The following LRP1B variants were observed in gnomAD, a reference collection of about 807,000 sequenced individuals.
LRP1B encodes the protein LDL receptor related protein 1B, also known as low-density lipoprotein receptor-related protein 1B.
A neutral mutation model predicts 556.6 loss-of-function variants in LRP1B; 217 were observed. That is an observed-to-expected ratio of 0.39 (90% CI 0.35 to 0.44). The LOEUF (loss-of-function observed/expected upper bound fraction) is 0.44, where lower values mean the gene tolerates loss of function less well. Ranked by LOEUF, LRP1B falls within the 20% of genes least tolerant of loss-of-function variation. The pLI, the probability that LRP1B is intolerant of heterozygous loss-of-function variation, is 1.00. For synonymous variants in LRP1B, 2,047 were observed against 1,865.8 expected, an observed-to-expected ratio of 1.10 and a Z score of -2.50; for missense variants, 5,053 against 5,620.8, an observed-to-expected ratio of 0.90 and a Z score of 3.23.
At chr2:141,782,346 C>A (rs1003179255) in intron 2 of LRP1B, among the ~76,000 whole-genome samples, 1 of 151,930 alleles carries the variant, frequency 6.6e-6, no homozygotes, top group Non-Finnish European at 1.5e-5. Flanking sequence ...GATTCATTCC[C>A]AATTAATAAA....
chr2:140,818,936 C>CAAAA (rs543167243), intron 31 of LRP1B, among the ~76,000 whole-genome samples: 15 of 102,906 alleles, frequency 1.5e-4, no homozygotes, highest in African/African-American at 5.1e-4. Context: ...GACTCTGTCT[C>CAAAA]AAAAAAAAAA....
chr2:140,768,758 G>A (rs1400796671), intron 35 of LRP1B, among the ~76,000 whole-genome samples: 2 of 151,846 alleles, frequency 1.3e-5, no homozygotes, highest in African/African-American at 4.8e-5. Flanking sequence ...AATTTTCAGT[G>A]GTGTAGCATG....
chr2:141,614,210 A>G (rs1157944566), intron 2 of LRP1B, among the ~76,000 whole-genome samples: 3 of 152,010 alleles, frequency 2.0e-5, no homozygotes, highest in Non-Finnish European at 4.4e-5. Context: ...TCTACTGATT[A>G]TGGAATCTTT....
At chr2:140,415,973 C>T (rs1685180996) in intron 66 of LRP1B, among the ~76,000 whole-genome samples, 1 of 152,186 alleles carries the variant, frequency 6.6e-6, no homozygotes, top group African/African-American at 2.4e-5. Flanking sequence ...ACATTTGCAT[C>T]AAGGCTGAAT....
At chr2:140,873,102 G>A (rs1693191272) in intron 25 of LRP1B, among the ~76,000 whole-genome samples, 1 of 151,916 alleles carries the variant, frequency 6.6e-6, no homozygotes, top group Non-Finnish European at 1.5e-5. Flanking sequence ...AAAATTTTTG[G>A]TAAAGTAGTT....
chr2:141,310,261 A>G (rs1265833344), intron 3 of LRP1B, among the ~76,000 whole-genome samples: 1 of 152,196 alleles, frequency 6.6e-6, no homozygotes, highest in Non-Finnish European at 1.5e-5. Flanking sequence ...ATTAAGTTCT[A>G]TTATAAACTC....
intron 41 of LRP1B, among the ~76,000 whole-genome samples, chr2:140,603,235 A>G (rs541308748): frequency 1.8e-4 from 28 of 152,212 alleles, no homozygotes; most frequent in African/African-American, 4.3e-4. Context: ...CCTAGAGATG[A>G]CGGAAGAAAA....
At chr2:142,032,148 A>G (rs1049907022) in intron 1 of LRP1B, among the ~76,000 whole-genome samples, 1 of 151,896 alleles carries the variant, frequency 6.6e-6, no homozygotes, top group Non-Finnish European at 1.5e-5. Flanking sequence ...AAAGGAATAG[A>G]GCATGTAACC....
At chr2:140,696,756 AACTATT>A (rs1323944838) in intron 41 of LRP1B, among the ~76,000 whole-genome samples, 21 of 152,134 alleles carry the variant, frequency 1.4e-4, no homozygotes, top group Non-Finnish European at 2.9e-4. Context: ...TTGAGAATCT[AACTATT>A]ACCTGATGAT....
chr2:140,319,402 C>G (rs1214549401), intron 82 of LRP1B, among the ~76,000 whole-genome samples: 2 of 152,098 alleles, frequency 1.3e-5, no homozygotes, highest in African/African-American at 2.4e-5. Flanking sequence ...AGAGGAGGCA[C>G]CTGTGAGGGC....
At chr2:141,628,980 T>G (rs1303353018) in intron 2 of LRP1B, among the ~76,000 whole-genome samples, 1 of 152,150 alleles carries the variant, frequency 6.6e-6, no homozygotes, top group African/African-American at 2.4e-5. Flanking sequence ...TGTAGATACA[T>G]TACTGCCTTT....
chr2:141,934,105 TA>T (rs1159554575), intron 1 of LRP1B, among the ~76,000 whole-genome samples: 6 of 152,146 alleles, frequency 3.9e-5, no homozygotes, highest in African/African-American at 1.4e-4. Context: ...GATATTTGAA[TA>T]AAAATGTAGT....
At chr2:141,600,456 A>T (rs1687685353) in intron 2 of LRP1B, among the ~76,000 whole-genome samples, 1 of 152,190 alleles carries the variant, frequency 6.6e-6, no homozygotes, top group Non-Finnish European at 1.5e-5. Context: ...GTGGTGGTAG[A>T]ACTGGGAAGA....
intron 18 of LRP1B, among the ~76,000 whole-genome samples, chr2:140,967,697 AT>A (rs1261737570): frequency 6.6e-6 from 1 of 151,792 alleles, no homozygotes; most frequent in African/African-American, 2.4e-5. Flanking sequence ...AGCTCTTATT[AT>A]TTTGAGATAT....
intron 41 of LRP1B, among the ~76,000 whole-genome samples, chr2:140,680,408 G>A (rs532914035): frequency 5.9e-5 from 9 of 152,148 alleles, no homozygotes; most frequent in East Asian, 1.9e-4. Context: ...GAGAAAAAGC[G>A]GCTGGGTGGG....
At chr2:140,332,693 C>T (rs571288064) in intron 79 of LRP1B, among the ~76,000 whole-genome samples, 48 of 152,158 alleles carry the variant, frequency 3.2e-4, no homozygotes, top group African/African-American at 1.2e-3. Flanking sequence ...CAAACCAAGA[C>T]TAGCCTCGAC....
chr2:140,880,519 G>GA (rs1344601504), intron 25 of LRP1B, among the ~76,000 whole-genome samples: 4 of 152,134 alleles, frequency 2.6e-5, no homozygotes, highest in Non-Finnish European at 5.9e-5. Context: ...CATGATGACA[G>GA]ATATGTTTTA....
At chr2:141,933,701 A>T (rs1700562376) in intron 1 of LRP1B, among the ~76,000 whole-genome samples, 1 of 152,162 alleles carries the variant, frequency 6.6e-6, no homozygotes, top group African/African-American at 2.4e-5. Flanking sequence ...AAAAACAAAA[A>T]TTTTAAAGCA....
rs576199296 is a variant in LRP1B, at chr2:141,768,969, C to A, written c.205+41310G>T. ...ATTTATCTATCTATGTCATTTAATT[C>A]TCTCCCAAATCCTAAGTGGTAGAGA... On this transcript the variant is annotated intron_variant, in intron 2 of 90. Coordinates refer to ENST00000389484, the MANE Select transcript of LRP1B (RefSeq NM_018557.3). Among the ~76,000 whole-genome samples, 106 of 152,038 alleles carry A rather than the reference C, an allele frequency of 7.0e-4. 1 individual carries two copies. Among genetic ancestry groups the A allele is most frequent in the Middle Eastern group, 6.8e-3 (2 of 294 alleles).
Sources: gnomAD v4.1 joint callset for allele counts (sites outside exome capture counted in the v4.1 genomes callset) on GRCh38, gnomAD v4.1.1 for gene constraint, MANE v1.5 for transcripts, NCBI Gene and HGNC (gene_info 2026-07-23, HGNC 2026-07-21) for gene names.